Variants in RAB38 observed in about 807,000 individuals in gnomAD.
The protein encoded by RAB38 is ras-related protein Rab-38.
RAB38 carries 15 observed loss-of-function variants against 18.4 expected under a neutral mutation model. The observed-to-expected ratio is 0.82, with a 90% CI of 0.55 to 1.26. The LOEUF (loss-of-function observed/expected upper bound fraction) is 1.26. Among genes scored for constraint, RAB38 ranks in the 50% most tolerant of loss-of-function variants. RAB38 has a pLI of 0.00. For missense variants in RAB38, 294 were observed against 267.4 expected (o/e 1.10, Z -0.69); for synonymous variants, 101 against 104.4 (o/e 0.97, Z 0.20).
At chr11:87,959,610 T>A in the RAB38 span, among the ~76,000 whole-genome samples, 1 of 152,206 alleles carries the variant, frequency 6.6e-6, no homozygotes, top group Non-Finnish European at 1.5e-5. Flanking sequence ...CATAGACGCA[T>A]TCTCCAGCCT....
At chr11:87,856,413 G>A in the RAB38 span, among the ~76,000 whole-genome samples, 1 of 152,072 alleles carries the variant, frequency 6.6e-6, no homozygotes, top group South Asian at 2.1e-4. Flanking sequence ...CCCAGCTAAC[G>A]CACATTGGAT....
At chr11:87,863,393 C>T in the RAB38 span, among the ~76,000 whole-genome samples, 1 of 151,788 alleles carries the variant, frequency 6.6e-6, no homozygotes, top group Non-Finnish European at 1.5e-5. Context: ...TTTCTTCCTT[C>T]TGTACTCTTT....
chr11:88,020,437 G>A, the RAB38 span, among the ~76,000 whole-genome samples: 1 of 152,162 alleles, frequency 6.6e-6, no homozygotes. Flanking sequence ...CAACACTGGA[G>A]CACCCAGATA....
the RAB38 span, among the ~76,000 whole-genome samples, chr11:88,046,614 C>T: frequency 6.6e-6 from 1 of 152,194 alleles, no homozygotes. Context: ...TGTTACCTAT[C>T]TCGGCATAAT....
At chr11:88,063,950 A>G in the RAB38 span, among the ~76,000 whole-genome samples, 1 of 152,246 alleles carries the variant, frequency 6.6e-6, no homozygotes, top group African/African-American at 2.4e-5. Flanking sequence ...GCATATGCTT[A>G]GTGGGATTTC....
At chr11:87,930,575 T>A in the RAB38 span, among the ~76,000 whole-genome samples, 2 of 152,194 alleles carry the variant, frequency 1.3e-5, no homozygotes, top group East Asian at 1.9e-4. Flanking sequence ...TTTAATTAGA[T>A]CCCATTTGTC....
intron 1 of RAB38, among the ~76,000 whole-genome samples, chr11:88,156,161 C>G (rs1016970535): frequency 4.0e-5 from 6 of 151,722 alleles, no homozygotes; most frequent in African/African-American, 1.5e-4. Context: ...CATTTAGATA[C>G]AAAAAAAATC....
At chr11:88,003,833 A>T in the RAB38 span, among the ~76,000 whole-genome samples, 862 of 6,468 alleles carry the variant, frequency 0.13, 388 homozygotes, top group South Asian at 0.48. Flanking sequence ...TAGATTGTAT[A>T]ATATATATTT....
At chr11:87,838,124 T>TTA in the RAB38 span, among the ~76,000 whole-genome samples, 1 of 142,816 alleles carries the variant, frequency 7.0e-6, no homozygotes, top group Non-Finnish European at 1.5e-5. Context: ...TTTTTATTTT[T>TTA]TTTTTTTTGA....
the RAB38 span, among the ~76,000 whole-genome samples, chr11:87,877,306 T>A: frequency 6.6e-6 from 1 of 151,570 alleles, no homozygotes; most frequent in Admixed American, 6.6e-5. Context: ...TAAGTGTCAT[T>A]AACAAGATAC....
chr11:87,936,278 T>C, the RAB38 span, among the ~76,000 whole-genome samples: 1 of 152,136 alleles, frequency 6.6e-6, no homozygotes, highest in African/African-American at 2.4e-5. Flanking sequence ...TTACATATTT[T>C]ATATGTAAGC....
chr11:88,124,190 A>G (rs377366726), intron 2 of RAB38, among the ~76,000 whole-genome samples: 241 of 152,356 alleles, frequency 1.6e-3, no homozygotes, highest in African/African-American at 5.5e-3. Context: ...ATACTAGGCA[A>G]TACCATTCAG....
intron 2 of RAB38, among the ~76,000 whole-genome samples, chr11:88,137,086 G>A (rs1942845435): frequency 6.6e-6 from 1 of 152,172 alleles, no homozygotes; most frequent in Non-Finnish European, 1.5e-5. Context: ...ACCCTTAGTG[G>A]GAAAGAAGAG....
At chr11:88,041,125 A>G in the RAB38 span, among the ~76,000 whole-genome samples, 1 of 152,162 alleles carries the variant, frequency 6.6e-6, no homozygotes, top group South Asian at 2.1e-4. Context: ...TTTTGTTGCA[A>G]TCTTATCTGT....
At chr11:87,844,298 G>A in the RAB38 span, among the ~76,000 whole-genome samples, 10 of 152,124 alleles carry the variant, frequency 6.6e-5, no homozygotes, top group Non-Finnish European at 7.4e-5. Flanking sequence ...TTTAACCCAC[G>A]AGAATGCCAT....
the RAB38 span, among the ~76,000 whole-genome samples, chr11:87,935,076 C>G: frequency 1.3e-5 from 2 of 152,038 alleles, no homozygotes; most frequent in African/African-American, 4.8e-5. Context: ...TTCTTCTTGT[C>G]TTCCAGTCTC....
the RAB38 span, among the ~76,000 whole-genome samples, chr11:87,925,031 G>C: frequency 6.6e-6 from 1 of 151,998 alleles, no homozygotes; most frequent in Non-Finnish European, 1.5e-5. Context: ...CTCAGTGGTA[G>C]GGATGGTGAT....
the RAB38 span, among the ~76,000 whole-genome samples, chr11:88,103,461 C>T: frequency 6.6e-6 from 1 of 152,036 alleles, no homozygotes; most frequent in Non-Finnish European, 1.5e-5. Flanking sequence ...CTGTCTCTCT[C>T]CCGTTTGTTT....
At chr11:87,841,783 G>T in the RAB38 span, among the ~76,000 whole-genome samples, 1 of 152,186 alleles carries the variant, frequency 6.6e-6, no homozygotes, top group Non-Finnish European at 1.5e-5. Flanking sequence ...GGTGCTAACT[G>T]ATTGGATATA....
Sources: gnomAD v4.1 joint callset for allele counts (sites outside exome capture counted in the v4.1 genomes callset) on GRCh38, gnomAD v4.1.1 for gene constraint, MANE v1.5 for transcripts, NCBI Gene and HGNC (gene_info 2026-07-23, HGNC 2026-07-21) for gene names.